DLGAP1: variants seen among roughly 807,000 people sequenced by gnomAD.
The protein encoded by DLGAP1 is DLG associated protein 1, also known as disks large-associated protein 1.
A neutral mutation model predicts 90.8 loss-of-function variants in DLGAP1; 11 were observed. The ratio of observed to expected loss-of-function variants is 0.12; its 90% CI spans 0.08 to 0.20. The LOEUF is 0.20. Among genes scored for constraint, DLGAP1 ranks in the 10% least tolerant of loss-of-function variants. DLGAP1 has a pLI of 1.00. For missense variants in DLGAP1, 1,050 were observed against 1,333.8 expected, an observed-to-expected ratio of 0.79 and a Z score of 3.31; for synonymous variants, 558 against 540.7, an observed-to-expected ratio of 1.03 and a Z score of -0.44.
At chr18:3,893,375 G>A (rs1027499571) in intron 3 of DLGAP1, among the ~76,000 whole-genome samples, 3 of 151,822 alleles carry the variant, frequency 2.0e-5, no homozygotes, top group Non-Finnish European at 2.9e-5. Flanking sequence ...TCAGGAGTTC[G>A]AGACCAGCCT....
intron 1 of DLGAP1, among the ~76,000 whole-genome samples, chr18:4,398,792 G>A (rs2082491471): frequency 6.6e-6 from 1 of 152,122 alleles, no homozygotes; most frequent in Admixed American, 6.5e-5. Flanking sequence ...GTTTAGCCAT[G>A]TAAGACAAGC....
intron 1 of DLGAP1, among the ~76,000 whole-genome samples, chr18:4,417,062 A>G (rs1242888877): frequency 6.6e-6 from 1 of 152,108 alleles, no homozygotes; most frequent in Non-Finnish European, 1.5e-5. Flanking sequence ...TTGTTCAGGG[A>G]GTCTGTAAGA....
intron 3 of DLGAP1, chr18:3,978,342 T>G: frequency 2.8e-6 from 1 of 353,320 alleles, no homozygotes; most frequent in South Asian, 2.5e-5. Context: ...ACGTACTCAG[T>G]GCCAGCATCA....
At chr18:4,239,941 C>G (rs545397603) in intron 1 of DLGAP1, among the ~76,000 whole-genome samples, 1 of 152,194 alleles carries the variant, frequency 6.6e-6, no homozygotes, top group Non-Finnish European at 1.5e-5. Flanking sequence ...CTCCCCATAT[C>G]TTTTATCCTC....
intron 1 of DLGAP1, among the ~76,000 whole-genome samples, chr18:4,255,108 A>G (rs1598736750): frequency 6.6e-6 from 1 of 152,292 alleles, no homozygotes; most frequent in East Asian, 1.9e-4. Flanking sequence ...AGTTTTACGT[A>G]CGCCCGATTA....
chr18:4,354,314 G>A (rs2081460601), intron 1 of DLGAP1, among the ~76,000 whole-genome samples: 1 of 152,264 alleles, frequency 6.6e-6, no homozygotes, highest in South Asian at 2.1e-4. Flanking sequence ...ACCTTGCTGT[G>A]TGGAAGATGG....
intron 10 of DLGAP1, among the ~76,000 whole-genome samples, chr18:3,523,719 C>T (rs186548758): frequency 3.9e-4 from 60 of 151,928 alleles, no homozygotes; most frequent in Admixed American, 2.9e-3. Flanking sequence ...TGGTGGCGTG[C>T]GCCCGTAGTC....
intron 3 of DLGAP1, among the ~76,000 whole-genome samples, chr18:3,954,720 T>C (rs527492029): frequency 1.5e-4 from 23 of 152,294 alleles, no homozygotes; most frequent in African/African-American, 5.1e-4. Flanking sequence ...ATGAGATACT[T>C]CTTCCTAAGA....
At chr18:4,025,851 G>T (rs1295167266) in intron 2 of DLGAP1, among the ~76,000 whole-genome samples, 2 of 152,128 alleles carry the variant, frequency 1.3e-5, no homozygotes, top group Non-Finnish European at 1.5e-5. Flanking sequence ...AAAGCCAAGT[G>T]AATATATTGA....
At chr18:3,558,832 C>T (rs978867664) in intron 9 of DLGAP1, among the ~76,000 whole-genome samples, 5 of 152,286 alleles carry the variant, frequency 3.3e-5, no homozygotes, top group Admixed American at 3.3e-4. Flanking sequence ...CAATCTCTGT[C>T]TTTTAATGAT....
intron 4 of DLGAP1, among the ~76,000 whole-genome samples, chr18:3,823,577 T>C (rs2067539476): frequency 6.6e-6 from 1 of 152,036 alleles, no homozygotes; most frequent in South Asian, 2.1e-4. Context: ...TCTATAAGAG[T>C]TTCAAAACTT....
chr18:4,159,109 A>G (rs1225999843), intron 1 of DLGAP1, among the ~76,000 whole-genome samples: 1 of 152,162 alleles, frequency 6.6e-6, no homozygotes, highest in Non-Finnish European at 1.5e-5. Context: ...ACAATTGCAC[A>G]TTATTTCTTT....
At chr18:4,285,098 C>A (rs2079654668) in intron 1 of DLGAP1, among the ~76,000 whole-genome samples, 1 of 147,492 alleles carries the variant, frequency 6.8e-6, no homozygotes, top group African/African-American at 2.5e-5. Flanking sequence ...TTATTTTTGC[C>A]AGAGTTGGCA....
intron 2 of DLGAP1, among the ~76,000 whole-genome samples, chr18:4,009,696 G>A (rs1347057316): frequency 1.3e-5 from 2 of 152,176 alleles, no homozygotes; most frequent in Non-Finnish European, 1.5e-5. Flanking sequence ...ATAACAAACG[G>A]AAGTTATGCC....
At chr18:4,288,961 C>G (rs2079777037) in intron 1 of DLGAP1, among the ~76,000 whole-genome samples, 1 of 152,070 alleles carries the variant, frequency 6.6e-6, no homozygotes, top group Non-Finnish European at 1.5e-5. Context: ...GGCCTCTGTT[C>G]TGTCATGTGG....
At chr18:4,006,540 G>A (rs1385176255) in intron 2 of DLGAP1, among the ~76,000 whole-genome samples, 3 of 152,116 alleles carry the variant, frequency 2.0e-5, no homozygotes, top group African/African-American at 7.2e-5. Context: ...TGCAGTCACA[G>A]TTGGAGGAGG....
intron 10 of DLGAP1, among the ~76,000 whole-genome samples, chr18:3,519,305 G>A (rs1438572989): frequency 2.6e-5 from 4 of 152,266 alleles, no homozygotes; most frequent in African/African-American, 4.8e-5. Flanking sequence ...TAGTCCCATC[G>A]TATTTTCCAG....
At chr18:4,341,775 A>T (rs913416890) in intron 1 of DLGAP1, among the ~76,000 whole-genome samples, 2 of 152,208 alleles carry the variant, frequency 1.3e-5, no homozygotes, top group Non-Finnish European at 2.9e-5. Context: ...GACATCAAAC[A>T]TAAGAGGGAT....
At chr18:4,004,556 G>C (rs930115337) in intron 3 of DLGAP1, among the ~76,000 whole-genome samples, 2 of 151,684 alleles carry the variant, frequency 1.3e-5, no homozygotes, top group African/African-American at 4.8e-5. Context: ...TCAATAATGT[G>C]AAAAAAACAA....
Sources: allele counts gnomAD v4.1 joint callset (sites outside exome capture counted in the v4.1 genomes callset), GRCh38; gene constraint gnomAD v4.1.1; transcripts MANE v1.5; gene names NCBI Gene and HGNC (gene_info 2026-07-23, HGNC 2026-07-21).